Variants in RIF1 observed in about 807,000 individuals in gnomAD.
RIF1 encodes the protein replication timing regulatory factor 1.
RIF1 carries 45 observed loss-of-function variants against 247.1 expected under a neutral mutation model. The ratio of observed to expected loss-of-function variants is 0.18; its 90% CI spans 0.14 to 0.23. The LOEUF (loss-of-function observed/expected upper bound fraction) is 0.23. Among genes scored for constraint, RIF1 ranks in the 10% least tolerant of loss-of-function variants. The probability of loss-of-function intolerance (pLI) is 1.00; values close to 1 mark genes in which losing one functional copy is unlikely to be tolerated. For missense variants in RIF1, 2,967 were observed against 2,862.5 expected (o/e 1.04, Z -0.83); for synonymous variants, 1,087 against 978.8 (o/e 1.11, Z -2.06).
In RIF1 at chr2:151,475,168, C is replaced by G; in HGVS notation, c.*97C>G. The G allele has an allele frequency of 1.2e-6, 1 of 849,174 alleles. No homozygotes were observed. The highest frequency in any genetic ancestry group is 1.7e-5 in the African/African-American group (1 of 59,032). The allele number at this position is 849,174 out of a possible 1,614,324, so 52.6% of individuals were successfully genotyped here. A position where few individuals can be genotyped will look rare whatever the true frequency, so the allele number is the denominator to read the frequency against. On this transcript the variant is annotated 3_prime_UTR_variant, in exon 36 of 36. Coordinates refer to ENST00000444746, the MANE Select transcript of RIF1 (RefSeq NM_018151.5). The stretch of plus-strand genomic sequence containing the variant: ...TAATAGCACAATTTCAAAGAAGAGA[C>G]TCTTTGCAAAGTTGATAACATTTCA...
chr2:151,529,405 A>C, the RIF1 span: 1 of 812,934 alleles, frequency 1.2e-6, no homozygotes, highest in Non-Finnish European at 2.1e-6. Context: ...ATGCATGACT[A>C]TAGTACACAA....
intron 34 of RIF1, 29 bp from the exon 35 acceptor site, chr2:151,473,935 C>A: frequency 8.9e-7 from 1 of 1,125,708 alleles, no homozygotes; most frequent in Non-Finnish European, 1.3e-6. Flanking sequence ...TGTTGTTTTG[C>A]GTTTTTTTCT....
intron 21 of RIF1, among the ~76,000 whole-genome samples, chr2:151,453,432 C>G (rs2152448404): frequency 6.6e-6 from 1 of 152,016 alleles, no homozygotes; most frequent in Admixed American, 6.5e-5. Flanking sequence ...CAAAAATTAG[C>G]AAGCCATGGT....
intron 9 of RIF1, chr2:151,491,057 T>TG (rs2056185085): frequency 7.1e-6 from 1 of 141,610 alleles, no homozygotes; most frequent in Non-Finnish European, 1.5e-5. Flanking sequence ...TTTTTTGAGA[T>TG]GGGGTCTCTG....
At chr2:151,466,349 C>T (rs370927602) in intron 30 of RIF1, among the ~76,000 whole-genome samples, 1 of 152,304 alleles carries the variant, frequency 6.6e-6, no homozygotes. Flanking sequence ...GATCTTTATG[C>T]AGCTGTGCAC....
intron 9 of RIF1, among the ~76,000 whole-genome samples, chr2:151,431,624 C>G (rs1485726586): frequency 6.6e-6 from 1 of 152,062 alleles, no homozygotes; most frequent in Non-Finnish European, 1.5e-5. Context: ...CCCATCTTTA[C>G]TAAAAATACA....
At chr2:151,518,254 T>C in the RIF1 span, 1 of 1,197,214 alleles carries the variant, frequency 8.4e-7, no homozygotes, top group Non-Finnish European at 1.2e-6. Context: ...TCTATGAAAT[T>C]TTTTTTCACA....
intron 8 of RIF1, among the ~76,000 whole-genome samples, chr2:151,427,831 G>A (rs1047583541): frequency 5.3e-5 from 8 of 151,846 alleles, no homozygotes; most frequent in Admixed American, 2.6e-4. Context: ...TTGGGAGGCC[G>A]AGGTGGACTG....
intron 26 of RIF1, among the ~76,000 whole-genome samples, chr2:151,460,784 A>G (rs1464241521): frequency 2.6e-5 from 4 of 152,242 alleles, no homozygotes; most frequent in African/African-American, 9.6e-5. Flanking sequence ...GGCATTTTGT[A>G]TTGGCGACTT....
At chr2:151,502,864 C>T (rs1385703890) in intron 11 of RIF1, 1 of 1,601,808 alleles carries the variant, frequency 6.2e-7, no homozygotes, top group Non-Finnish European at 8.5e-7. Flanking sequence ...ATTCCTTTCC[C>T]CAAATTTTCT....
At chr2:151,414,274 G>A (rs896362409) in intron 3 of RIF1, among the ~76,000 whole-genome samples, 3 of 140,646 alleles carry the variant, frequency 2.1e-5, no homozygotes, top group South Asian at 2.4e-4. Flanking sequence ...CAACAAGAGC[G>A]AAACTCTGTC....
In RIF1 at chr2:151,463,633, T is replaced by C; in HGVS notation, c.4113T>C (p.Asn1371=). The C allele has an allele frequency of 6.2e-7, 1 of 1,613,760 alleles. No homozygotes were observed. Among genetic ancestry groups the C allele is most frequent in the Non-Finnish European group, 8.5e-7 (1 of 1,179,886 alleles). Residue 1371 remains asparagine, a synonymous_variant, in exon 30 of 36, where the codon AAT becomes AAC. Transcript: ENST00000444746. ...AAAATGCTGTATTATTGGAAACTAATACTGTAGAGGAGAAAAATGTAGAAA... is the reference window on the plus strand; with the variant it reads ...AAAATGCTGTATTATTGGAAACTAACACTGTAGAGGAGAAAAATGTAGAAA... ...TVENAVLLET[N]TVEEKNVEIN...
intron 2 of RIF1, 48 bp downstream of exon 2, chr2:151,410,575 G>A (rs775811095): frequency 2.0e-6 from 3 of 1,467,566 alleles, no homozygotes; most frequent in Non-Finnish European, 2.8e-6. Flanking sequence ...CTCTATAGTG[G>A]GGAGAAAGAA....
chr2:151,443,367 A>G (rs766157190), intron 17 of RIF1, 38 bp downstream of exon 17: 2 of 1,410,020 alleles, frequency 1.4e-6, no homozygotes, highest in Non-Finnish European at 2.0e-6. Context: ...TGTCTTGGAA[A>G]GGTTATGTAA....
chr2:151,503,105 C>T (rs146518636), exon 12 of RIF1: 8 of 585,896 alleles, frequency 1.4e-5, no homozygotes, highest in African/African-American at 3.8e-5. Context: ...AGTTATATAA[C>T]GCTGAGGAAT....
Position 151,410,421 on chromosome 2 carries a change from G to T in RIF1, c.-3G>T, listed in dbSNP as rs1368667094. 1.2e-6 allele frequency: 2 copies of T among 1,612,848 alleles called. No homozygotes were observed. Among genetic ancestry groups the T allele is most frequent in the African/African-American group, 1.3e-5 (1 of 74,896 alleles). ...TTCCGGTTCGGGCCTCAGGGTGGCC[G>T]ACATGACGGCCAGGGGTCAGAGCCC... On this transcript the variant is annotated 5_prime_UTR_variant, in exon 2 of 36. Transcript: ENST00000444746.
At chr2:151,519,257 A>G in the RIF1 span, among the ~76,000 whole-genome samples, 1 of 152,186 alleles carries the variant, frequency 6.6e-6, no homozygotes, top group African/African-American at 2.4e-5. Flanking sequence ...GGATAAACAA[A>G]ATGTGGCATA....
chr2:151,497,042 TAAG>T, intron 10 of RIF1: 2 of 1,561,604 alleles, frequency 1.3e-6, no homozygotes, highest in South Asian at 1.2e-5. Flanking sequence ...ACCTGTGCGA[TAAG>T]AAAGCAACCA....
downstream of RIF1, chr2:151,485,772 A>G: frequency 1.2e-6 from 2 of 1,610,614 alleles, no homozygotes; most frequent in Non-Finnish European, 1.7e-6. Flanking sequence ...AAATAGCTTC[A>G]ACGTAGTTGG....
Sources: gnomAD v4.1 joint callset for allele counts (sites outside exome capture counted in the v4.1 genomes callset) on GRCh38, gnomAD v4.1.1 for gene constraint, MANE v1.5 for transcripts, NCBI Gene and HGNC (gene_info 2026-07-23, HGNC 2026-07-21) for gene names.